Variants in TMCC3 observed in about 807,000 individuals in gnomAD.
TMCC3 encodes transmembrane and coiled-coil domain family 3, also known as transmembrane and coiled-coil domain protein 3.
TMCC3 carries 28 observed loss-of-function variants against 40.2 expected under a neutral mutation model. That is an observed-to-expected ratio of 0.70 (90% CI 0.52 to 0.95). The LOEUF is 0.95. TMCC3 is among the 40% of genes least tolerant of loss of function. The pLI, the probability that TMCC3 is intolerant of heterozygous loss-of-function variation, is 0.00. For synonymous variants in TMCC3, 255 were observed against 248.5 expected (o/e 1.03, Z -0.25); for missense variants, 554 against 615.2 (o/e 0.90, Z 1.05).
chr12:94,581,518 C>T lies in TMCC3; in HGVS notation c.995+104G>A, dbSNP rs1190686613. The T allele has an allele frequency of 1.9e-5, 14 of 724,046 alleles. 1 individual carries two copies. The South Asian group carries it at 6.7e-4, about 34-fold the overall frequency. The allele number at this position is 724,046 out of a possible 1,614,324, so 44.9% of individuals were successfully genotyped here. A position where few individuals can be genotyped will look rare whatever the true frequency, so the allele number is the denominator to read the frequency against. ...ACCTATCACGTACCCACTAAGTATC[C>T]GTGGTAATAAAAAAGTTTTCAAAAT... On this transcript the variant is annotated intron_variant, in intron 2 of 3. Coordinates refer to ENST00000261226, the MANE Select transcript of TMCC3 (RefSeq NM_020698.4).
chr12:94,644,290 T>C, intron 1 of TMCC3: 3 of 731,138 alleles, frequency 4.1e-6, no homozygotes, highest in Non-Finnish European at 5.0e-6. Context: ...TCCCCTCCAC[T>C]GAAAACATGA....
chr12:94,574,728 C>G (rs1364148799), intron 3 of TMCC3, among the ~76,000 whole-genome samples: 1 of 152,222 alleles, frequency 6.6e-6, no homozygotes, highest in Non-Finnish European at 1.5e-5. Context: ...CAATAACAGG[C>G]ATGTACTAGA....
intron 1 of TMCC3, among the ~76,000 whole-genome samples, chr12:94,644,152 C>T (rs1308780837): frequency 6.6e-6 from 1 of 152,160 alleles, no homozygotes; most frequent in Non-Finnish European, 1.5e-5. Context: ...CCTCCCAAGT[C>T]GACGGAAGCA....
At chr12:94,634,303 C>CA (rs577870159) in intron 1 of TMCC3, among the ~76,000 whole-genome samples, 1 of 151,554 alleles carries the variant, frequency 6.6e-6, no homozygotes, top group African/African-American at 2.4e-5. Context: ...CCCAAACATG[C>CA]AAAAAATTAT....
intron 1 of TMCC3, among the ~76,000 whole-genome samples, chr12:94,631,857 G>A (rs1050834301): frequency 2.0e-5 from 3 of 152,206 alleles, no homozygotes; most frequent in African/African-American, 7.2e-5. Context: ...TGCTGCAGTA[G>A]TAACATGAAA....
intron 1 of TMCC3, among the ~76,000 whole-genome samples, chr12:94,592,260 T>C (rs2068681016): frequency 1.3e-5 from 2 of 152,114 alleles, no homozygotes; most frequent in Non-Finnish European, 2.9e-5. Flanking sequence ...ACTGAGTCAA[T>C]AGTTTTGCCA....
chr12:94,581,761 T>C lies in TMCC3; in HGVS notation c.856A>G (p.Lys286Glu). ...AGTTCCTCCAGGATCACGGCGAGCT[T>C]GCCCTGGCTGTCCAGTGTGCTGGCT... ...GGASTLDSQG[K>E]LAVILEELRE... is the part of the protein sequence containing the mutation. Residue 286 changes from lysine to glutamate, a missense_variant, in exon 2 of 4, where the codon AAG becomes GAG. Physicochemically the swap from Lys to Glu is moderately conservative, Grantham distance 56. Transcript: ENST00000261226. The C allele has an allele frequency of 6.2e-7, 1 of 1,614,196 alleles. No homozygotes were observed. Among genetic ancestry groups the C allele is most frequent in the Non-Finnish European group, 8.5e-7 (1 of 1,180,032 alleles).
intron 1 of TMCC3, among the ~76,000 whole-genome samples, chr12:94,639,647 T>C (rs1230841439): frequency 7.6e-6 from 1 of 132,146 alleles, no homozygotes; most frequent in African/African-American, 2.9e-5. Flanking sequence ...TAAGATAGAT[T>C]ACAGGAAACA....
Position 94,582,232 on chromosome 12 carries a change from G to A in TMCC3, c.385C>T (p.Leu129=). 6.2e-7 allele frequency: 1 copy of A among 1,614,168 alleles called. No individual in the cohort carries two copies. Residue 129 remains leucine (L), a synonymous_variant, in exon 2 of 4, where the codon CTG becomes TTG. Transcript: ENST00000261226. ...TGATACTGCTCTAACTTCTTCTGCA[G>A]CTGGGCGATGGAGTGAGCTGATTTC... The part of the protein sequence containing the change: ...NQKSAHSIAQ[L]QKKLEQYHRK...
intron 2 of TMCC3, among the ~76,000 whole-genome samples, chr12:94,580,194 C>T (rs2068591860): frequency 6.6e-6 from 1 of 152,050 alleles, no homozygotes; most frequent in Admixed American, 6.5e-5. Context: ...TTAACTTTGA[C>T]TAAAAAACTT....
chr12:94,610,699 G>A (rs555631963), intron 1 of TMCC3, among the ~76,000 whole-genome samples: 3 of 152,290 alleles, frequency 2.0e-5, no homozygotes, highest in Admixed American at 2.0e-4. Flanking sequence ...GGATCTGAAT[G>A]GGCTACCATG....
At chr12:94,587,397 C>G (rs1286935110) in intron 1 of TMCC3, among the ~76,000 whole-genome samples, 1 of 152,196 alleles carries the variant, frequency 6.6e-6, no homozygotes, top group African/African-American at 2.4e-5. Flanking sequence ...GTAATCCAAG[C>G]TATCATTACT....
rs539769832 is a variant in TMCC3 at position 94,591,961 on chromosome 12, C to T, written c.79-9423G>A. ...AAATAACTCCAGGGGCTGGATAAGG[C>T]TCCTTGTTATCTGTTACTAGAAACA... On this transcript the variant is annotated intron_variant, in intron 1 of 3. Transcript: ENST00000261226. Among the ~76,000 whole-genome samples, 5 of 152,282 alleles carry T rather than the reference C, an allele frequency of 3.3e-5. No individual in the cohort carries two copies. In the South Asian group the frequency reaches 1.0e-3, roughly 32 times the overall value.
chr12:94,573,714 G>A (rs75241467), intron 3 of TMCC3, among the ~76,000 whole-genome samples: 3,392 of 152,252 alleles, frequency 0.022, 81 homozygotes, highest in African/African-American at 0.063. Context: ...AATTACAAGT[G>A]CGAGCCACCA....
At chr12:94,571,852 C>T (rs2068531343) in intron 3 of TMCC3, 115 bp from the exon 4 acceptor site, 1 of 999,778 alleles carries the variant, frequency 1.0e-6, no homozygotes, top group Non-Finnish European at 1.5e-6. Flanking sequence ...GCCCAGGCGG[C>T]TGCAAATCCC....
chr12:94,575,763 G>A (rs1421137977), intron 3 of TMCC3, among the ~76,000 whole-genome samples: 1 of 152,058 alleles, frequency 6.6e-6, no homozygotes, highest in Non-Finnish European at 1.5e-5. Flanking sequence ...AAAATAGAAC[G>A]ACTTCGTGAA....
intron 1 of TMCC3, chr12:94,616,334 G>A: frequency 6.5e-6 from 1 of 153,170 alleles, no homozygotes; most frequent in Non-Finnish European, 1.5e-5. Flanking sequence ...AAGGAAATGG[G>A]CTCGGCTCAA....
At chr12:94,592,596 A>G (rs891672916) in intron 1 of TMCC3, among the ~76,000 whole-genome samples, 1 of 64,786 alleles carries the variant, frequency 1.5e-5, no homozygotes, top group Non-Finnish European at 2.8e-5. Flanking sequence ...GTAAGCCAAG[A>G]TTGCGCCGCT....
At chr12:94,601,808 C>CAAAAAAAAAAAAAAAAAAAA (rs61372290) in intron 1 of TMCC3, among the ~76,000 whole-genome samples, 2 of 76,732 alleles carry the variant, frequency 2.6e-5, no homozygotes, top group African/African-American at 7.3e-5. Context: ...GACCTGGTCT[C>CAAAAAAAAAAAAAAAAAAAA]AAAAAAAAAA....
Sources: allele counts gnomAD v4.1 joint callset (sites outside exome capture counted in the v4.1 genomes callset), GRCh38; gene constraint gnomAD v4.1.1; transcripts MANE v1.5; gene names NCBI Gene and HGNC (gene_info 2026-07-23, HGNC 2026-07-21).